Variants in AFF3 observed in about 807,000 individuals in gnomAD.
AFF3 encodes the protein AF4/FMR2 family member 3.
AFF3 carries 32 observed loss-of-function variants against 129.7 expected under a neutral mutation model. That is an observed-to-expected ratio of 0.25 (90% CI 0.19 to 0.33). The LOEUF is 0.33. Among genes scored for constraint, AFF3 ranks in the 10% least tolerant of loss-of-function variants. The pLI, the probability that AFF3 is intolerant of heterozygous loss-of-function variation, is 1.00. For synonymous variants in AFF3, 644 were observed against 635.4 expected, an observed-to-expected ratio of 1.01 and a Z score of -0.20; for missense variants, 1,373 against 1,592.0, an observed-to-expected ratio of 0.86 and a Z score of 2.34.
chr2:99,887,702 T>C (rs1190193342), intron 7 of AFF3, among the ~76,000 whole-genome samples: 3 of 152,260 alleles, frequency 2.0e-5, no homozygotes, highest in Non-Finnish European at 4.4e-5. Flanking sequence ...GCTATACTTA[T>C]CATTAAACTA....
chr2:99,793,306 C>T (rs1685333264), intron 8 of AFF3, among the ~76,000 whole-genome samples: 1 of 152,232 alleles, frequency 6.6e-6, no homozygotes, highest in African/African-American at 2.4e-5. Flanking sequence ...GAAGCGAATG[C>T]TAGCACTGTC....
chr2:99,808,638 G>C (rs1206066700), intron 8 of AFF3, among the ~76,000 whole-genome samples: 1 of 151,474 alleles, frequency 6.6e-6, no homozygotes, highest in Non-Finnish European at 1.5e-5. Context: ...TTATTTAACA[G>C]AATTAAGAAG....
rs1178303802 is a variant in AFF3 at position 99,550,276 on chromosome 2, C to A, written c.*1198G>T. ...CAGGAAGAGGCTCTGGTTGCTGCTG[C>A]CCCAGAAAGGAACTGTGATCTTCTG... On this transcript the variant is annotated 3_prime_UTR_variant, in exon 25 of 25. Coordinates refer to ENST00000672756, the MANE Select transcript of AFF3 (RefSeq NM_001386135.1). 2 of 231,142 alleles carry A rather than the reference C, an allele frequency of 8.7e-6. No homozygotes were observed. The highest frequency in any genetic ancestry group is 1.2e-4 in the East Asian group (2 of 16,340). The allele number at this position is 231,142 out of a possible 1,614,324, so 14.3% of individuals were successfully genotyped here.
intron 7 of AFF3, among the ~76,000 whole-genome samples, chr2:99,939,080 G>C (rs1285750213): frequency 1.3e-4 from 19 of 152,000 alleles, no homozygotes; most frequent in Non-Finnish European, 2.8e-4. Context: ...TCTCTCTCTT[G>C]GTCTGACATA....
intron 7 of AFF3, among the ~76,000 whole-genome samples, chr2:99,915,216 T>C (rs1695394052): frequency 1.3e-5 from 2 of 152,052 alleles, no homozygotes; most frequent in Admixed American, 6.6e-5. Context: ...GATTAAAACG[T>C]TACATATTAT....
intron 19 of AFF3, among the ~76,000 whole-genome samples, chr2:99,565,912 C>T (rs1675916866): frequency 6.6e-6 from 1 of 152,202 alleles, no homozygotes; most frequent in Non-Finnish European, 1.5e-5. Context: ...CTGTTTCCCT[C>T]TTTCTAACCC....
At chr2:99,749,326 T>A (rs1455561535) in intron 9 of AFF3, among the ~76,000 whole-genome samples, 2 of 152,220 alleles carry the variant, frequency 1.3e-5, no homozygotes, top group African/African-American at 4.8e-5. Context: ...GTACTAATGA[T>A]TTAAAGTCTT....
At chr2:100,108,141 T>G (rs966454410) in intron 2 of AFF3, among the ~76,000 whole-genome samples, 1 of 151,552 alleles carries the variant, frequency 6.6e-6, no homozygotes, top group Admixed American at 6.6e-5. Context: ...TCCATCTGCT[T>G]CTCCTTCCAG....
intron 7 of AFF3, among the ~76,000 whole-genome samples, chr2:99,936,304 C>T (rs527856553): frequency 6.6e-6 from 1 of 152,246 alleles, no homozygotes; most frequent in African/African-American, 2.4e-5. Context: ...CAGGAATCCC[C>T]AGGAAATCTG....
intron 13 of AFF3, among the ~76,000 whole-genome samples, chr2:99,639,727 C>G (rs938310253): frequency 2.0e-5 from 3 of 150,938 alleles, no homozygotes; most frequent in African/African-American, 7.3e-5. Flanking sequence ...TCACTCTCAC[C>G]CAGGTTGGAG....
At chr2:99,847,687 ATG>A (rs1423119554) in intron 7 of AFF3, among the ~76,000 whole-genome samples, 3 of 151,912 alleles carry the variant, frequency 2.0e-5, no homozygotes, top group African/African-American at 4.8e-5. Flanking sequence ...TAATCCTCAC[ATG>A]TGTCCCCTCT....
At position 100,023,288 on chromosome 2, in the gene AFF3, C is replaced by T. The variant is rs572410574; in HGVS notation, c.54-14356G>A. Among the ~76,000 whole-genome samples, 49 of 152,286 alleles carry T rather than the reference C, an allele frequency of 3.2e-4. No homozygotes were observed. The East Asian group carries it at 9.3e-3, about 29-fold the overall frequency. On this transcript the variant is annotated intron_variant, in intron 4 of 24. Transcript: ENST00000672756. The stretch of plus-strand genomic sequence containing the variant: ...GCGCATACTATAATACATAAAGCTG[C>T]TTCAGGTACATTCTGGAAGCAGCAG...
At chr2:99,752,505 T>A (rs1384357669) in intron 8 of AFF3, among the ~76,000 whole-genome samples, 1 of 152,184 alleles carries the variant, frequency 6.6e-6, no homozygotes, top group African/African-American at 2.4e-5. Context: ...ACTCCTTGGC[T>A]CTCCCCATGC....
chr2:100,131,591 C>A (rs1692431641), intron 1 of AFF3, among the ~76,000 whole-genome samples: 1 of 152,112 alleles, frequency 6.6e-6, no homozygotes, highest in Non-Finnish European at 1.5e-5. Flanking sequence ...TCCCGAGGAG[C>A]TGGGATTATA....
At chr2:100,085,640 C>T (rs1284889339) in intron 4 of AFF3, among the ~76,000 whole-genome samples, 1 of 150,352 alleles carries the variant, frequency 6.7e-6, no homozygotes, top group African/African-American at 2.4e-5. Context: ...CCCTGGACTA[C>T]ACCATAGAAA....
At chr2:100,051,412 C>T (rs1308207389) in intron 4 of AFF3, among the ~76,000 whole-genome samples, 1 of 152,190 alleles carries the variant, frequency 6.6e-6, no homozygotes, top group Non-Finnish European at 1.5e-5. Context: ...CAGCTTTCAA[C>T]TCAGTCTTCA....
intron 15 of AFF3, among the ~76,000 whole-genome samples, chr2:99,590,040 G>A (rs1305535007): frequency 6.6e-6 from 1 of 152,210 alleles, no homozygotes; most frequent in Admixed American, 6.5e-5. Context: ...GCCCACCAGT[G>A]TGGGCGTTCC....
At chr2:99,917,039 A>C (rs1182964379) in intron 7 of AFF3, among the ~76,000 whole-genome samples, 1 of 152,088 alleles carries the variant, frequency 6.6e-6, no homozygotes, top group Admixed American at 6.5e-5. Context: ...AACTTCCCTC[A>C]TACACTTGCT....
At chr2:99,690,100 A>AC (rs1002333769) in intron 11 of AFF3, among the ~76,000 whole-genome samples, 2 of 142,968 alleles carry the variant, frequency 1.4e-5, no homozygotes, top group African/African-American at 5.2e-5. Flanking sequence ...AAACAAACAA[A>AC]CCCCCCCACC....
Sources: allele counts gnomAD v4.1 joint callset (sites outside exome capture counted in the v4.1 genomes callset), GRCh38; gene constraint gnomAD v4.1.1; transcripts MANE v1.5; gene names NCBI Gene and HGNC (gene_info 2026-07-23, HGNC 2026-07-21).